The following ANPEP variants were observed in gnomAD, a reference collection of about 807,000 sequenced individuals.
ANPEP encodes the protein aminopeptidase N.
In ANPEP, 70 loss-of-function variants were observed where a neutral mutation model predicts 114.6. The observed-to-expected ratio is 0.61, with a 90% confidence interval of 0.50 to 0.75. The LOEUF (loss-of-function observed/expected upper bound fraction) is 0.75. Ranked by LOEUF, ANPEP falls within the 30% of genes least tolerant of loss-of-function variation. The probability of loss-of-function intolerance (pLI) is 0.00; values close to 1 mark genes in which losing one functional copy is unlikely to be tolerated. For synonymous variants in ANPEP, 548 were observed against 522.3 expected (o/e 1.05, Z -0.67); for missense variants, 1,184 against 1,259.5 (o/e 0.94, Z 0.91).
At position 89,793,504 on chromosome 15, in the gene ANPEP, C is replaced by CAGCCTG. The variant is rs1567155792; in HGVS notation, c.2158-384_2158-379dup. 3.3e-5 allele frequency among the ~76,000 whole-genome samples: 5 copies of CAGCCTG among 152,122 alleles called. No individual in the cohort carries two copies. In the South Asian group the frequency reaches 8.3e-4, roughly 25 times the overall value. ...TCCCCTGAGTCCAGGAGTTCGAGAT[C>CAGCCTG]AGCCTGGGCAACATGGTGAAACCAC... On this transcript the variant is annotated intron_variant, in intron 15 of 20. Coordinates refer to ENST00000300060, the MANE Select transcript of ANPEP (RefSeq NM_001150.3).
chr15:89,812,414 G>T (rs1357651710), intron 1 of ANPEP, among the ~76,000 whole-genome samples: 2 of 152,224 alleles, frequency 1.3e-5, no homozygotes, highest in African/African-American at 4.8e-5. Flanking sequence ...AGGCTTCTGA[G>T]GCCTCCGCCC....
chr15:89,806,720 G>A lies in ANPEP; in HGVS notation c.-137C>T, dbSNP rs1160537558. 3.6e-6 allele frequency: 5 copies of A among 1,375,364 alleles called. No individual in the cohort carries two copies. Among genetic ancestry groups the A allele is most frequent in the African/African-American group, 1.5e-5 (1 of 68,324 alleles). The allele number at this position is 1,375,364 out of a possible 1,614,324, so 85.2% of individuals were successfully genotyped here. The stretch of plus-strand genomic sequence containing the variant: ...CAAAAATTAACCAGGGCTCCAACAG[G>A]CGAAGGTCACTGGACTGGGCAGGGG... On this transcript the variant is annotated 5_prime_UTR_variant, in exon 2 of 21. Coordinates refer to ENST00000300060, the MANE Select transcript of ANPEP (RefSeq NM_001150.3). This position sits in a 1 kb window ranked among gnomAD's most constrained non-coding sequence, Gnocchi z 5.7.
Position 89,799,442 on chromosome 15 carries a change from A to G in ANPEP, c.1937T>C (p.Leu646Pro). ...GACACTCACCGAGTGGTCTCTCTGC[A>G]GCTGAGTCTGAATCTTCCTCCAGTT... Reference protein sequence around the residue: ...EENWRKIQTQLQRDHSAIPVI... With the variant: ...EENWRKIQTQPQRDHSAIPVI... Residue 646 changes from leucine (L) to proline (P), a missense_variant, in exon 13 of 21, where the codon CTG becomes CCG. Leu to Pro is a moderately conservative substitution (Grantham distance 98). Transcript: ENST00000300060. This position sits in a 1 kb window ranked among gnomAD's most constrained non-coding sequence, Gnocchi z 4.2. 1 of 1,614,206 alleles carries G rather than the reference A, an allele frequency of 6.2e-7. No individual in the cohort carries two copies. The highest frequency in any genetic ancestry group is 8.5e-7 in the Non-Finnish European group (1 of 1,180,032).
chr15:89,785,991 C>G (rs915868521), intron 20 of ANPEP, among the ~76,000 whole-genome samples: 2 of 152,174 alleles, frequency 1.3e-5, no homozygotes, highest in African/African-American at 4.8e-5. Context: ...ATGTGTATGA[C>G]ATGTTTGCAT....
At chr15:89,791,934 G>C (rs1253937109) in intron 18 of ANPEP, among the ~76,000 whole-genome samples, 2 of 152,204 alleles carry the variant, frequency 1.3e-5, no homozygotes, top group African/African-American at 4.8e-5. Context: ...AAGGCTAAGA[G>C]GCCACAGCAG....
intron 20 of ANPEP, among the ~76,000 whole-genome samples, chr15:89,788,525 T>C (rs1193214079): frequency 6.6e-6 from 1 of 152,160 alleles, no homozygotes; most frequent in Non-Finnish European, 1.5e-5. Context: ...TTTTTTGGCG[T>C]AATAAAAATG....
At chr15:89,798,777 T>TA (rs756445177) in intron 14 of ANPEP, among the ~76,000 whole-genome samples, 1 of 151,872 alleles carries the variant, frequency 6.6e-6, no homozygotes. Context: ...CCATCTCTAC[T>TA]AAAAATACAA....
chr15:89,790,520 G>GGAGAAC lies in ANPEP; in HGVS notation c.2685_2690dup (p.Phe898_Ser899dup). On this transcript the variant is annotated inframe_insertion, in exon 20 of 21. Coordinates refer to ENST00000300060, the MANE Select transcript of ANPEP (RefSeq NM_001150.3). ...TCACTGCCTGGATGAGGTTGGAGAA[G>GGAGAAC]GAGAACGAGCCACCACCATAACTGC... 5.0e-6 allele frequency: 8 copies of GGAGAAC among 1,614,038 alleles called. No individual in the cohort carries two copies. Among genetic ancestry groups the GGAGAAC allele is most frequent in the Non-Finnish European group, 6.8e-6 (8 of 1,179,956 alleles).
At chr15:89,792,952 T>A (rs1596162197) in intron 16 of ANPEP, 83 bp downstream of exon 16, 2 of 1,213,682 alleles carry the variant, frequency 1.6e-6, no homozygotes, top group East Asian at 4.7e-5. Context: ...CATTGAGAGC[T>A]GCGGCAGAGA....
intron 1 of ANPEP, among the ~76,000 whole-genome samples, 194 bp downstream of exon 1, chr15:89,814,578 G>A (rs1377401895): frequency 1.3e-5 from 2 of 152,290 alleles, no homozygotes; most frequent in Non-Finnish European, 2.9e-5. Context: ...GATCGTAGTG[G>A]GAGCTCGGCC....
At chr15:89,807,761 C>A (rs933999419) in intron 1 of ANPEP, among the ~76,000 whole-genome samples, 1 of 152,156 alleles carries the variant, frequency 6.6e-6, no homozygotes, top group Admixed American at 6.5e-5. Flanking sequence ...CTCTTTCTAT[C>A]CTTGGTAGAA....
At chr15:89,792,785 C>T (rs1457328544) in intron 16 of ANPEP, among the ~76,000 whole-genome samples, 1 of 152,192 alleles carries the variant, frequency 6.6e-6, no homozygotes, top group Non-Finnish European at 1.5e-5. Flanking sequence ...CCAGTTTCAA[C>T]ACCTAGAAAC....
At position 89,803,396 on chromosome 15, in the gene ANPEP, C is replaced by T. The variant is rs1016479163; in HGVS notation, c.1503+46G>A. ...AGAGGCCCGGGTCAAGGGCGAGGGG[C>T]AGAAGGAGACCCACCCTCATGGCTG... On this transcript the variant is annotated intron_variant, in intron 9 of 20. Coordinates refer to ENST00000300060, the MANE Select transcript of ANPEP (RefSeq NM_001150.3). The surrounding 1 kb of genome is among the most constrained non-coding windows in gnomAD (Gnocchi z 4.2). 4.3e-6 allele frequency: 7 copies of T among 1,612,664 alleles called. No homozygotes were observed. Among genetic ancestry groups the T allele is most frequent in the Non-Finnish European group, 5.9e-6 (7 of 1,179,164 alleles).
intron 20 of ANPEP, among the ~76,000 whole-genome samples, chr15:89,789,234 C>G (rs1170073901): frequency 6.6e-6 from 1 of 151,662 alleles, no homozygotes; most frequent in Admixed American, 6.6e-5. Flanking sequence ...CCCACCTTAG[C>G]CTCCTAAAGT....
intron 15 of ANPEP, 112 bp downstream of exon 15, chr15:89,797,463 T>G: frequency 7.1e-7 from 1 of 1,417,922 alleles, no homozygotes; most frequent in Non-Finnish European, 9.4e-7. Flanking sequence ...GTTTTGCTTT[T>G]GAAGGTTCCC....
intron 15 of ANPEP, among the ~76,000 whole-genome samples, chr15:89,794,546 AG>A (rs1164345642): frequency 6.7e-6 from 1 of 150,236 alleles, no homozygotes; most frequent in African/African-American, 2.4e-5. Context: ...CAAGGGACAG[AG>A]GGGAGGTAAG....
intron 16 of ANPEP, 138 bp downstream of exon 16, chr15:89,792,897 C>T (rs1181452357): frequency 6.4e-6 from 5 of 782,702 alleles, no homozygotes; most frequent in Middle Eastern, 3.7e-4. Flanking sequence ...CAGGGCAGGA[C>T]CTCCCTGCTC....
At position 89,785,483 on chromosome 15, in the gene ANPEP, C is replaced by T. The variant is rs1460679411; in HGVS notation, c.2770G>A (p.Asp924Asn). 1 of 1,613,898 alleles carries T rather than the reference C, an allele frequency of 6.2e-7. No homozygotes were observed. The highest frequency in any genetic ancestry group is 8.5e-7 in the Non-Finnish European group (1 of 1,179,910). The change falls in exon 21 of 21, where the codon GAC becomes AAC. Residue 924 changes from aspartate (D) to asparagine (N), a missense_variant. By Grantham distance (23) the Asp-to-Asn change is conservative (BLOSUM62 1). Coordinates refer to ENST00000300060, the MANE Select transcript of ANPEP (RefSeq NM_001150.3). ...GAGCCGAAGCCTGTTTCCTCGTTGT[C>T]CTTCTTGAACTGCTCCAGCTGCCAG... ...ELQQLEQFKKDNEETGFGSGT... is the reference protein window; with the variant it reads ...ELQQLEQFKKNNEETGFGSGT...
chr15:89,808,374 T>C (rs142146703), intron 1 of ANPEP, among the ~76,000 whole-genome samples: 165 of 152,356 alleles, frequency 1.1e-3, no homozygotes, highest in African/African-American at 3.8e-3. Context: ...GAACTCAGCG[T>C]GGTTTTCCCT....
Sources: allele counts gnomAD v4.1 joint callset (sites outside exome capture counted in the v4.1 genomes callset), GRCh38; gene constraint gnomAD v4.1.1; non-coding constraint Gnocchi (gnomAD v3.1); transcripts MANE v1.5; gene names NCBI Gene and HGNC (gene_info 2026-07-23, HGNC 2026-07-21).